The following RALYL variants were observed in gnomAD, a reference collection of about 807,000 sequenced individuals.
The protein encoded by RALYL is RALY RNA binding protein like.
Under a neutral mutation model 35.1 loss-of-function variants are expected in RALYL, and 29 were observed. The ratio of observed to expected loss-of-function variants is 0.83; its 90% confidence interval spans 0.61 to 1.13. The LOEUF is 1.13. RALYL is among the 50% of genes most tolerant of loss of function. The probability of loss-of-function intolerance (pLI) is 0.00; values close to 1 mark genes in which losing one functional copy is unlikely to be tolerated. For synonymous variants in RALYL, 120 were observed against 127.6 expected, an observed-to-expected ratio of 0.94 and a Z score of 0.40; for missense variants, 359 against 360.4, an observed-to-expected ratio of 1.00 and a Z score of 0.03.
chr8:84,774,463 T>G, intron 2 of RALYL, 116 bp from the exon 3 acceptor site: 1 of 680,896 alleles, frequency 1.5e-6, no homozygotes, highest in South Asian at 1.9e-5. Context: ...AATGAATCAA[T>G]GGTGTACAAT....
intron 1 of RALYL, among the ~76,000 whole-genome samples, chr8:84,524,682 T>A (rs1214006976): frequency 6.6e-6 from 1 of 151,774 alleles, no homozygotes; most frequent in Non-Finnish European, 1.5e-5. Flanking sequence ...CATATATGGA[T>A]CCAAAGGTAA....
At chr8:84,377,824 G>C (rs886274695) in intron 1 of RALYL, among the ~76,000 whole-genome samples, 1 of 151,682 alleles carries the variant, frequency 6.6e-6, no homozygotes, top group Admixed American at 6.6e-5. Context: ...CTGACCTTAG[G>C]CTTAGCTTAG....
chr8:84,330,377 G>A (rs1308273396), intron 1 of RALYL, among the ~76,000 whole-genome samples: 2 of 151,982 alleles, frequency 1.3e-5, no homozygotes, highest in Non-Finnish European at 1.5e-5. Flanking sequence ...TAATTTTGCA[G>A]GAATTTATGC....
intron 2 of RALYL, among the ~76,000 whole-genome samples, chr8:84,554,718 T>C (rs2060974233): frequency 6.6e-6 from 1 of 151,990 alleles, no homozygotes; most frequent in Non-Finnish European, 1.5e-5. Flanking sequence ...ATCATTCGAA[T>C]TCCCATTTCA....
intron 1 of RALYL, among the ~76,000 whole-genome samples, chr8:84,406,130 G>A (rs1417864235): frequency 6.7e-6 from 1 of 150,210 alleles, no homozygotes; most frequent in Non-Finnish European, 1.5e-5. Flanking sequence ...ATGGAGCATA[G>A]TATTTTATTT....
At position 84,691,699 on chromosome 8, in the gene RALYL, A is replaced by T. The variant is rs538238337; in HGVS notation, c.257-82880A>T. Reference sequence around the variant, plus strand: ...ATTCCTGGGGTGCTAGGAAAGCAATAGAAGAGAGTGAGTCCCCTGGAGGAA... The same window carrying T: ...ATTCCTGGGGTGCTAGGAAAGCAATTGAAGAGAGTGAGTCCCCTGGAGGAA... On this transcript the variant is annotated intron_variant, in intron 2 of 8. Coordinates refer to ENST00000521268, the MANE Select transcript of RALYL (RefSeq NM_173848.7). 2.6e-5 allele frequency among the ~76,000 whole-genome samples: 4 copies of T among 152,096 alleles called. No individual in the cohort carries two copies. The South Asian group carries it at 8.3e-4, about 32-fold the overall frequency.
At chr8:84,719,043 C>G (rs776782599) in intron 2 of RALYL, among the ~76,000 whole-genome samples, 1 of 152,142 alleles carries the variant, frequency 6.6e-6, no homozygotes, top group Non-Finnish European at 1.5e-5. Context: ...CTTAGATAAT[C>G]ACTTCCTTCT....
intron 3 of RALYL, among the ~76,000 whole-genome samples, chr8:84,774,985 T>C (rs556581261): frequency 6.6e-6 from 1 of 152,330 alleles, no homozygotes; most frequent in Non-Finnish European, 1.5e-5. Flanking sequence ...AGTCTCTCTC[T>C]GTTGCCCAGG....
intron 1 of RALYL, among the ~76,000 whole-genome samples, chr8:84,307,103 G>C (rs73296739): frequency 1.3e-5 from 2 of 152,126 alleles, no homozygotes; most frequent in African/African-American, 2.4e-5. Context: ...CACACTGTCA[G>C]CTAAGGTGAT....
intron 1 of RALYL, among the ~76,000 whole-genome samples, chr8:84,312,795 C>A (rs777621862): frequency 2.6e-5 from 4 of 152,198 alleles, no homozygotes; most frequent in African/African-American, 7.2e-5. Flanking sequence ...CTTTTCCAAG[C>A]ACATGGTGCA....
intron 2 of RALYL, among the ~76,000 whole-genome samples, chr8:84,567,435 T>C (rs1325999157): frequency 6.6e-6 from 1 of 151,810 alleles, no homozygotes; most frequent in Non-Finnish European, 1.5e-5. Flanking sequence ...ATTGTTTAGC[T>C]CCCATTTATA....
At chr8:84,249,892 T>G (rs977858) in intron 1 of RALYL, among the ~76,000 whole-genome samples, 1 of 151,020 alleles carries the variant, frequency 6.6e-6, no homozygotes, top group Non-Finnish European at 1.5e-5. Context: ...TTTTCCTATA[T>G]GCACATAACC....
At chr8:84,355,329 A>G (rs1019688132) in intron 1 of RALYL, among the ~76,000 whole-genome samples, 7 of 150,414 alleles carry the variant, frequency 4.7e-5, no homozygotes, top group Admixed American at 2.0e-4. Flanking sequence ...TAAATTAAGA[A>G]CTCAAACTAA....
intron 1 of RALYL, among the ~76,000 whole-genome samples, chr8:84,509,185 G>A (rs1209424919): frequency 1.3e-5 from 2 of 152,080 alleles, no homozygotes; most frequent in African/African-American, 4.8e-5. Context: ...CACATTCTTT[G>A]ATGTATAGAC....
At chr8:84,323,475 G>A (rs1050207550) in intron 1 of RALYL, among the ~76,000 whole-genome samples, 3 of 152,002 alleles carry the variant, frequency 2.0e-5, no homozygotes, top group Admixed American at 2.0e-4. Flanking sequence ...GCTGACCTTG[G>A]AACTTTGAAT....
At chr8:84,351,460 A>T (rs1850867309) in intron 1 of RALYL, among the ~76,000 whole-genome samples, 1 of 149,430 alleles carries the variant, frequency 6.7e-6, no homozygotes, top group African/African-American at 2.5e-5. Flanking sequence ...GTACAGAGGG[A>T]CTTTTCCAGC....
At chr8:84,408,072 T>C (rs1432832917) in intron 1 of RALYL, among the ~76,000 whole-genome samples, 3 of 152,066 alleles carry the variant, frequency 2.0e-5, no homozygotes, top group African/African-American at 7.2e-5. Flanking sequence ...CTTATTTTAC[T>C]TAAAAAAAAG....
chr8:84,436,667 T>C (rs752582135), intron 1 of RALYL, among the ~76,000 whole-genome samples: 1 of 149,216 alleles, frequency 6.7e-6, no homozygotes, highest in Non-Finnish European at 1.5e-5. Context: ...TTTATTGGGG[T>C]ATAATTGATA....
chr8:84,808,632 A>G (rs533277342), intron 4 of RALYL, among the ~76,000 whole-genome samples: 3 of 152,210 alleles, frequency 2.0e-5, no homozygotes, highest in African/African-American at 4.8e-5. Flanking sequence ...CTACCCATCC[A>G]TGAACATGGC....
Sources: gnomAD v4.1 joint callset for allele counts (sites outside exome capture counted in the v4.1 genomes callset) on GRCh38, gnomAD v4.1.1 for gene constraint, MANE v1.5 for transcripts, NCBI Gene and HGNC (gene_info 2026-07-23, HGNC 2026-07-21) for gene names.